TRO: variants seen among roughly 807,000 people sequenced by gnomAD.
The protein encoded by TRO is trophinin, also known as MAGE superfamily protein.
TRO carries 29 observed loss-of-function variants against 42.3 expected under a neutral mutation model. The ratio of observed to expected loss-of-function variants is 0.68; its 90% CI spans 0.51 to 0.93. The LOEUF is 0.93. Among genes scored for constraint, TRO ranks in the 40% least tolerant of loss-of-function variants. TRO has a pLI of 0.00. For missense variants in TRO, 963 were observed against 1,127.7 expected (o/e 0.85, Z 2.09); for synonymous variants, 384 against 425.2 (o/e 0.90, Z 1.19).
In TRO at chrX:54,930,471, C is replaced by T. The variant is rs1189857997; in HGVS notation, c.3747C>T (p.Phe1249=). 9.1e-6 allele frequency: 11 copies of T among 1,204,682 alleles called. No individual in the cohort carries two copies. Among genetic ancestry groups the T allele is most frequent in the Admixed American group, 4.4e-5 (2 of 45,224 alleles). The change falls in exon 12 of 13, where the codon TTC becomes TTT. Residue 1249 remains phenylalanine, a synonymous_variant. Transcript: ENST00000173898. ...FDGGLGTSAG[F]GGGPGTSTGF... is the part of the protein sequence containing the mutation. ...GTGGGCTAGGTACCAGCGCTGGCTT[C>T]GGTGGAGGACCAGGCACCAGCACTG...
At position 54,922,214 on chromosome X, in the gene TRO, T is replaced by G. The variant is rs1932167977; in HGVS notation, c.-33T>G. 8.3e-7 allele frequency: 1 copy of G among 1,200,819 alleles called. No homozygotes were observed. Among genetic ancestry groups the G allele is most frequent in the Non-Finnish European group, 1.1e-6 (1 of 889,767 alleles). On this transcript the variant is annotated 5_prime_UTR_variant, in exon 2 of 13. Transcript: ENST00000173898. The stretch of plus-strand genomic sequence containing the variant: ...ATTCTCTAACTCAGGCCCATTCCCC[T>G]CAGGCTCACCTGTTACTCGGCCTCC...
rs1932812956 is a variant in TRO at position 54,927,657 on chromosome X, T to G, written c.1764-10T>G. 1 of 1,196,482 alleles carries G rather than the reference T, an allele frequency of 8.4e-7. No homozygotes were observed. The highest frequency in any genetic ancestry group is 1.8e-5 in the South Asian group (1 of 55,584). ...TTGGTTAGAAACAAGTTTCATTTCC[T>G]TTTTCCAAGGTACCTGGAGTACAAG... On this transcript the variant is annotated splice_polypyrimidine_tract_variant and intron_variant, in intron 10 of 12. Coordinates refer to ENST00000173898, the MANE Select transcript of TRO (RefSeq NM_001039705.3).
chrX:54,922,726 G>A lies in TRO; in HGVS notation c.194G>A (p.Arg65Gln). ...GCCATGGACCCACCAGTTGTCAACCGGCCTAAGAAAAGCAAGACCAAGAAG... is the reference window on the plus strand; with the variant it reads ...GCCATGGACCCACCAGTTGTCAACCAGCCTAAGAAAAGCAAGACCAAGAAG... ...SLAMDPPVVN[R>Q]PKKSKTKKAP... is the part of the protein sequence containing the mutation. The change falls in exon 3 of 13, where the codon CGG becomes CAG. Residue 65 changes from arginine to glutamine, a missense_variant. Arg to Gln is a conservative substitution (Grantham distance 43). Around this residue, in one of 2 missense-constraint regions of TRO, gnomAD observed 322 missense variants for 316.5 expected, o/e 1.02. Coordinates refer to ENST00000173898, the MANE Select transcript of TRO (RefSeq NM_001039705.3). The A allele has an allele frequency of 2.5e-6, 3 of 1,208,936 alleles. No homozygotes were observed. The highest frequency in any genetic ancestry group is 1.8e-5 in the South Asian group (1 of 56,499).
chrX:54,924,758 T>C (rs780412260), intron 5 of TRO, 25 bp downstream of exon 5: 1 of 1,197,851 alleles, frequency 8.3e-7, no homozygotes, highest in Non-Finnish European at 1.1e-6. Context: ...ACCCTCCTCC[T>C]TGAGCTCTCC....
Position 54,931,018 on chromosome X carries a change from T to G in TRO, c.4294T>G (p.Ter1432GluextTer1). 8.4e-7 allele frequency: 1 copy of G among 1,183,989 alleles called. No homozygotes were observed. The highest frequency in any genetic ancestry group is 1.1e-6 in the Non-Finnish European group (1 of 879,773). Residue 1432 changes from the stop codon to glutamate, a stop_lost, in exon 12 of 13, where the codon TAG (stop) becomes GAG (glutamate). Coordinates refer to ENST00000173898, the MANE Select transcript of TRO (RefSeq NM_001039705.3). The part of the protein sequence containing the change: ...SLGACGFSYG[*>E] ...TGGTGCCTGTGGCTTCTCGTATGGC[T>G]AGTGAGGTTTCAGGTAACTGCAATA... is the stretch of plus-strand genomic sequence containing the variant.
chrX:54,930,673 G>A lies in TRO; in HGVS notation c.3949G>A (p.Asp1317Asn), dbSNP rs772745415. The A allele has an allele frequency of 5.8e-6, 7 of 1,210,970 alleles. No individual in the cohort carries two copies. Among genetic ancestry groups the A allele is most frequent in the Admixed American group, 2.2e-5 (1 of 45,968 alleles). ...AGFSGGLSTS[D>N]GFGSRPNASF... ...CTTTAGTGGTGGCCTCAGCACCAGC[G>A]ATGGCTTTGGCAGTAGGCCTAATGC... is the stretch of plus-strand genomic sequence containing the variant. Residue 1317 changes from aspartate (D) to asparagine (N), a missense_variant, in exon 12 of 13, where the codon GAT (aspartate) becomes AAT (asparagine). Physicochemically the swap from Asp to Asn is conservative, Grantham distance 23. Around this residue, in one of 2 missense-constraint regions of TRO, gnomAD observed 641 missense variants for 811.3 expected, o/e 0.79. Transcript: ENST00000173898.
rs1569546073 is a variant in TRO, at chrX:54,923,231, C to T, written c.699C>T (p.Thr233=). 8.3e-7 allele frequency: 1 copy of T among 1,211,745 alleles called. No homozygotes were observed. Among genetic ancestry groups the T allele is most frequent in the East Asian group, 3.0e-5 (1 of 33,845 alleles). Residue 233 remains threonine, a synonymous_variant, in exon 3 of 13, where the codon ACC becomes ACT. Coordinates refer to ENST00000173898, the MANE Select transcript of TRO (RefSeq NM_001039705.3). ...CTGCAACTGCCACCCATACAGCTAC[C>T]ACCCAAGGCCAAATTACCAATGAGA... is the stretch of plus-strand genomic sequence containing the variant. ...SLAATATHTA[T]TQGQITNETA...
In TRO at chrX:54,923,618, A is replaced by G; in HGVS notation, c.1086A>G (p.Gln362=). The G allele has an allele frequency of 9.1e-6, 11 of 1,207,460 alleles. No homozygotes were observed. The highest frequency in any genetic ancestry group is 1.2e-5 in the Non-Finnish European group (11 of 893,014). Residue 362 remains glutamine (Q), a synonymous_variant, in exon 3 of 13, where the codon CAA becomes CAG. Coordinates refer to ENST00000173898, the MANE Select transcript of TRO (RefSeq NM_001039705.3). ...ATESQTPNAD[Q]GAQAKIASAQ... ...AAAGCCAGACTCCAAATGCTGACCA[A>G]GGGGCCCAGGCCAAGATAGCCTCTG...
Position 54,929,401 on chromosome X carries a change from C to G in TRO, c.2677C>G (p.Leu893Val), listed in dbSNP as rs1569546415. ...LSTSTGFGGI[L>V]STSVCFGGSP... The stretch of plus-strand genomic sequence containing the variant: ...CACCAGCACTGGCTTTGGAGGCATA[C>G]TCAGCACCAGTGTCTGTTTTGGTGG... Residue 893 changes from leucine (L) to valine (V), a missense_variant, in exon 12 of 13, where the codon CTC becomes GTC. Transcript: ENST00000173898. 1 of 1,212,259 alleles carries G rather than the reference C, an allele frequency of 8.2e-7. No individual in the cohort carries two copies. The highest frequency in any genetic ancestry group is 1.1e-6 in the Non-Finnish European group (1 of 895,574).
rs1268497379 is a variant in TRO, at chrX:54,929,255, G to A, written c.2531G>A (p.Gly844Glu). 3.3e-6 allele frequency: 4 copies of A among 1,210,783 alleles called. No homozygotes were observed. Among genetic ancestry groups the A allele is most frequent in the Admixed American group, 2.2e-5 (1 of 45,953 alleles). ...PLSTSATFSGGASSGFGGTLS... is the reference protein window; with the variant it reads ...PLSTSATFSGEASSGFGGTLS... ...AGCACCAGTGCCACTTTCAGTGGTGGAGCCAGCTCTGGCTTTGGAGGCACA... is the reference window on the plus strand; with the variant it reads ...AGCACCAGTGCCACTTTCAGTGGTGAAGCCAGCTCTGGCTTTGGAGGCACA... Residue 844 changes from glycine (G) to glutamate (E), a missense_variant, in exon 12 of 13, where the codon GGA (glycine) becomes GAA (glutamate). By Grantham distance (98) the Gly-to-Glu change is moderately conservative. Coordinates refer to ENST00000173898, the MANE Select transcript of TRO (RefSeq NM_001039705.3).
In TRO at chrX:54,931,406, G is replaced by C; in HGVS notation, c.*214G>C. ...TGTGTGCTGTCATATTTTGGTATCA[G>C]AGTTACATTAAATTTGCAAAATGAA... On this transcript the variant is annotated 3_prime_UTR_variant, in exon 13 of 13. Coordinates refer to ENST00000173898, the MANE Select transcript of TRO (RefSeq NM_001039705.3). 1 of 1,120,035 alleles carries C rather than the reference G, an allele frequency of 8.9e-7. No homozygotes were observed. Among genetic ancestry groups the C allele is most frequent in the Non-Finnish European group, 1.2e-6 (1 of 820,436 alleles). 92.3% of individuals were successfully genotyped at this position (1,120,035 alleles called of 1,213,427 possible).
chrX:54,923,136 C>G lies in TRO; in HGVS notation c.604C>G (p.Pro202Ala), dbSNP rs1174679478. 5 of 1,209,654 alleles carry G rather than the reference C, an allele frequency of 4.1e-6. No homozygotes were observed. The highest frequency in any genetic ancestry group is 1.8e-5 in the African/African-American group (1 of 57,046). Reference sequence around the variant, plus strand: ...CCAAGCCTTGATAACCTCTATCAAGCCTAAGAAAGCTTCCAAGGCTAAGAA... The same window carrying G: ...CCAAGCCTTGATAACCTCTATCAAGGCTAAGAAAGCTTCCAAGGCTAAGAA... ...SSQALITSIK[P>A]KKASKAKKAA... Residue 202 changes from proline (P) to alanine (A), a missense_variant, in exon 3 of 13, where the codon CCT becomes GCT. By Grantham distance (27) the Pro-to-Ala change is conservative. Coordinates refer to ENST00000173898, the MANE Select transcript of TRO (RefSeq NM_001039705.3).
Position 54,922,604 on chromosome X carries a change from G to A in TRO, c.72G>A (p.Leu24=). 8.3e-7 allele frequency: 1 copy of A among 1,209,892 alleles called. No individual in the cohort carries two copies. The highest frequency in any genetic ancestry group is 1.1e-6 in the Non-Finnish European group (1 of 894,562). The change falls in exon 3 of 13, where the codon CTG becomes CTA. Residue 24 remains leucine, a synonymous_variant. Transcript: ENST00000173898. ...FQGPLPPPGS[L]GLPFPPDIQT... The stretch of plus-strand genomic sequence containing the variant: ...GCCCTCTGCCTCCCCCGGGGAGCCT[G>A]GGGCTTCCCTTCCCTCCAGATATAC...
chrX:54,928,669 G>A lies in TRO; in HGVS notation c.1945G>A (p.Ala649Thr). 2 of 1,201,597 alleles carry A rather than the reference G, an allele frequency of 1.7e-6. No individual in the cohort carries two copies. Among genetic ancestry groups the A allele is most frequent in the Non-Finnish European group, 1.1e-6 (1 of 890,339 alleles). Residue 649 changes from alanine (A) to threonine (T), a missense_variant, in exon 12 of 13, where the codon GCT becomes ACT. Coordinates refer to ENST00000173898, the MANE Select transcript of TRO (RefSeq NM_001039705.3). ...CGAGGCAGTGGAGATGGAAGTCCAA[G>A]CTGCAGCTGTGGCTGTGGCTGAGGC... Reference protein sequence around the residue: ...YREAVEMEVQAAAVAVAEAEA... With the variant: ...YREAVEMEVQTAAVAVAEAEA...
Position 54,929,098 on chromosome X carries a change from A to G in TRO, c.2374A>G (p.Ser792Gly). Residue 792 changes from serine (S) to glycine (G), a missense_variant, in exon 12 of 13, where the codon AGC (serine) becomes GGC (glycine). Transcript: ENST00000173898. The part of the protein sequence containing the change: ...STSSSFSSAA[S>G]ISFGCAHSTS... ...TAGCTCCAGCTTCAGCAGCGCAGCCAGCATTAGCTTTGGTTGTGCACACAG... is the reference window on the plus strand; with the variant it reads ...TAGCTCCAGCTTCAGCAGCGCAGCCGGCATTAGCTTTGGTTGTGCACACAG... The G allele has an allele frequency of 8.2e-7, 1 of 1,212,425 alleles. No individual in the cohort carries two copies. The highest frequency in any genetic ancestry group is 1.1e-6 in the Non-Finnish European group (1 of 895,663).
In TRO at chrX:54,923,660, T is replaced by C; in HGVS notation, c.1128T>C (p.Ser376=). Reference sequence around the variant, plus strand: ...TAGCCTCTGCTCAGACCAACGTAAGTGCCCTTGAGACTCAGGTTGCTGCTG... The same window carrying C: ...TAGCCTCTGCTCAGACCAACGTAAGCGCCCTTGAGACTCAGGTTGCTGCTG... ...AKIASAQTNV[S]ALETQVAAAV... The change falls in exon 3 of 13, where the codon AGT becomes AGC. Residue 376 remains serine (S), a synonymous_variant. Coordinates refer to ENST00000173898, the MANE Select transcript of TRO (RefSeq NM_001039705.3). 1 of 1,211,132 alleles carries C rather than the reference T, an allele frequency of 8.3e-7. No homozygotes were observed. Among genetic ancestry groups the C allele is most frequent in the Non-Finnish European group, 1.1e-6 (1 of 895,076 alleles).
chrX:54,922,350 T>G (rs1932186928), intron 2 of TRO, 59 bp downstream of exon 2: 1 of 1,129,760 alleles, frequency 8.9e-7, no homozygotes, highest in Admixed American at 2.3e-5. Context: ...CACTTACTGC[T>G]CTTCAGACCC....
intron 1 of TRO, 190 bp from the exon 2 acceptor site, chrX:54,922,013 G>T: frequency 2.8e-6 from 1 of 362,281 alleles, no homozygotes; most frequent in Non-Finnish European, 4.8e-6. Flanking sequence ...GTGTAAAGGG[G>T]TGGGGTCGTA....
rs1335664555 is a variant in TRO at position 54,930,518 on chromosome X, C to T, written c.3794C>T (p.Thr1265Ile). 1 of 1,210,135 alleles carries T rather than the reference C, an allele frequency of 8.3e-7. No homozygotes were observed. Among genetic ancestry groups the T allele is most frequent in the African/African-American group, 1.7e-5 (1 of 57,240 alleles). Residue 1265 changes from threonine to isoleucine, a missense_variant, in exon 12 of 13, where the codon ACC (threonine) becomes ATC (isoleucine). Thr to Ile is a moderately conservative substitution (Grantham distance 89, BLOSUM62 -1). Around this residue, in one of 2 missense-constraint regions of TRO, gnomAD observed 641 missense variants for 811.3 expected, o/e 0.79. Transcript: ENST00000173898. ...TSTGFGGGLGTSAGFSGGLGT... is the reference protein window; with the variant it reads ...TSTGFGGGLGISAGFSGGLGT... The stretch of plus-strand genomic sequence containing the variant: ...ACTGGTTTTGGTGGTGGACTGGGCA[C>T]CAGTGCTGGCTTCAGTGGCGGACTG...
Sources: gnomAD v4.1 joint callset for allele counts on GRCh38, gnomAD v4.1.1 for gene constraint, gnomAD v4.1.1 regional missense constraint, MANE v1.5 for transcripts, NCBI Gene and HGNC (gene_info 2026-07-23, HGNC 2026-07-21) for gene names.